The following CSMD1 variants were observed in gnomAD, a reference collection of about 807,000 sequenced individuals.
CSMD1 encodes CUB and sushi domain-containing protein 1.
CSMD1 carries 213 observed loss-of-function variants against 417.5 expected under a neutral mutation model. The observed-to-expected ratio is 0.51, with a 90% CI of 0.46 to 0.57. CSMD1 has a LOEUF of 0.57. Among genes scored for constraint, CSMD1 ranks in the 20% least tolerant of loss-of-function variants. The pLI is 0.00. For synonymous variants in CSMD1, 2,862 were observed against 1,736.8 expected, an observed-to-expected ratio of 1.65 and a Z score of -16.11; for missense variants, 6,923 against 4,529.7, an observed-to-expected ratio of 1.53 and a Z score of -15.17.
rs377092192 is a variant in CSMD1, at chr8:4,078,922, T to A, written c.416-46823A>T. 3.1e-4 allele frequency among the ~76,000 whole-genome samples: 8 copies of A among 25,802 alleles called. 1 individual carries two copies. The highest frequency in any genetic ancestry group is 6.0e-4 in the African/African-American group (8 of 13,346). The allele number at this position is 25,802 out of a possible 152,430, so 16.9% of individuals were successfully genotyped here. ...ATATATATATATATATATATATATATATATATATATATATATATATGTATG... is the reference window on the plus strand; with the variant it reads ...ATATATATATATATATATATATATAAATATATATATATATATATATGTATG... On this transcript the variant is annotated intron_variant, in intron 3 of 69. Coordinates refer to ENST00000635120, the MANE Select transcript of CSMD1 (RefSeq NM_033225.6).
At chr8:3,775,580 G>A (rs979310721) in intron 5 of CSMD1, among the ~76,000 whole-genome samples, 1 of 152,136 alleles carries the variant, frequency 6.6e-6, no homozygotes, top group Non-Finnish European at 1.5e-5. Context: ...CTCCAGTGTG[G>A]ACTCATGTGC....
rs192084409 is a variant in CSMD1, at chr8:3,254,235, G to C, written c.4154-24004C>G. 5.9e-5 allele frequency among the ~76,000 whole-genome samples: 9 copies of C among 152,290 alleles called. No homozygotes were observed. In the East Asian group the frequency reaches 7.7e-4, roughly 13 times the overall value. Reference sequence around the variant, plus strand: ...TCTTCTGGCTTGTAGAGTTTCTGTCGAGAGATCAGCTGTTAGTCTGATGGG... The same window carrying C: ...TCTTCTGGCTTGTAGAGTTTCTGTCCAGAGATCAGCTGTTAGTCTGATGGG... On this transcript the variant is annotated intron_variant, in intron 26 of 69. Transcript: ENST00000635120.
At chr8:4,407,531 G>A (rs746549853) in intron 3 of CSMD1, among the ~76,000 whole-genome samples, 1 of 152,122 alleles carries the variant, frequency 6.6e-6, no homozygotes, top group Non-Finnish European at 1.5e-5. Context: ...TAAATTCAGA[G>A]TACAGATATC....
intron 1 of CSMD1, among the ~76,000 whole-genome samples, chr8:4,641,533 A>G (rs1803188730): frequency 6.6e-6 from 1 of 152,142 alleles, no homozygotes. Flanking sequence ...GTAGCCACAC[A>G]TCATGATTTT....
chr8:3,835,107 T>G (rs1021471251), intron 5 of CSMD1, among the ~76,000 whole-genome samples: 3 of 148,760 alleles, frequency 2.0e-5, no homozygotes, highest in East Asian at 3.9e-4. Flanking sequence ...GGAACACTTT[T>G]ACACTGTTGG....
At position 4,113,344 on chromosome 8, in the gene CSMD1, C is replaced by A. The variant is rs900209663; in HGVS notation, c.416-81245G>T. On this transcript the variant is annotated intron_variant, in intron 3 of 69. Transcript: ENST00000635120. ...AACTAGGCCTGCTGCACCCAACAGC[C>A]AAGCTGTGAGTGCAAATAAAATGTT... Among the ~76,000 whole-genome samples the A allele has an allele frequency of 2.5e-4, 37 of 148,368 alleles. 1 individual carries two copies. Among genetic ancestry groups the A allele is most frequent in the African/African-American group, 8.5e-4 (34 of 40,018 alleles).
chr8:3,030,591 C>G (rs193272824), intron 50 of CSMD1, among the ~76,000 whole-genome samples: 2 of 152,090 alleles, frequency 1.3e-5, no homozygotes, highest in Non-Finnish European at 2.9e-5. Flanking sequence ...ATTCTCCTGC[C>G]TCAGCCTCCC....
At chr8:4,152,951 A>C (rs1022315397) in intron 3 of CSMD1, among the ~76,000 whole-genome samples, 1 of 152,206 alleles carries the variant, frequency 6.6e-6, no homozygotes, top group South Asian at 2.1e-4. Flanking sequence ...AAAATCTTAG[A>C]AATGGTATTT....
chr8:3,107,515 T>C (rs1356463465), intron 45 of CSMD1, among the ~76,000 whole-genome samples: 2 of 152,156 alleles, frequency 1.3e-5, no homozygotes, highest in African/African-American at 4.8e-5. Flanking sequence ...ATCATGGTAA[T>C]GAAGAGGGAC....
intron 44 of CSMD1, 119 bp from the exon 45 acceptor site, chr8:3,107,917 C>T: frequency 1.6e-6 from 1 of 629,554 alleles, no homozygotes; most frequent in Non-Finnish European, 2.7e-6. Context: ...ACTGAAATGT[C>T]TCTATTCCTG....
intron 3 of CSMD1, among the ~76,000 whole-genome samples, chr8:4,250,749 T>C (rs572019548): frequency 2.7e-4 from 41 of 152,280 alleles, no homozygotes; most frequent in Middle Eastern, 6.8e-3. Flanking sequence ...AAAGAAAAAC[T>C]GTAAATATGT....
At chr8:3,393,286 C>T (rs1811457926) in intron 17 of CSMD1, among the ~76,000 whole-genome samples, 1 of 152,170 alleles carries the variant, frequency 6.6e-6, no homozygotes, top group African/African-American at 2.4e-5. Flanking sequence ...TGTCTTCACT[C>T]ACTAGGTGAG....
rs552437199 is a variant in CSMD1, at chr8:4,495,604, T to C, written c.303-75539A>G. 3.1e-3 allele frequency among the ~76,000 whole-genome samples: 468 copies of C among 152,166 alleles called. 3 individuals carry two copies. Among genetic ancestry groups the C allele is most frequent in the African/African-American group, 7.4e-3 (306 of 41,538 alleles). On this transcript the variant is annotated intron_variant, in intron 2 of 69. Coordinates refer to ENST00000635120, the MANE Select transcript of CSMD1 (RefSeq NM_033225.6). ...AAAAAGAAAAAAAAGAATTGCTTTT[T>C]AGGGCACAAATATTAAAATGTATGC...
chr8:3,165,721 T>C (rs1469739012), intron 37 of CSMD1, among the ~76,000 whole-genome samples: 3 of 151,938 alleles, frequency 2.0e-5, no homozygotes, highest in Admixed American at 6.6e-5. Context: ...TGGTTTTTTG[T>C]TGGTAAAGGT....
intron 23 of CSMD1, among the ~76,000 whole-genome samples, chr8:3,316,677 T>C (rs886885663): frequency 2.6e-5 from 4 of 152,134 alleles, no homozygotes; most frequent in African/African-American, 9.7e-5. Context: ...TGCTTCCTTT[T>C]AAACGTGTGG....
At chr8:4,147,267 C>T (rs1175769235) in intron 3 of CSMD1, among the ~76,000 whole-genome samples, 1 of 152,122 alleles carries the variant, frequency 6.6e-6, no homozygotes, top group Admixed American at 6.5e-5. Flanking sequence ...GCGGCTCCTC[C>T]TCACCTGCGT....
intron 22 of CSMD1, among the ~76,000 whole-genome samples, chr8:3,346,447 T>C (rs1007150503): frequency 3.3e-5 from 5 of 152,354 alleles, no homozygotes; most frequent in African/African-American, 9.6e-5. Flanking sequence ...TCTTTTTAGA[T>C]TAGTAAGAAT....
At chr8:3,700,870 C>G (rs1164079223) in intron 7 of CSMD1, among the ~76,000 whole-genome samples, 1 of 152,046 alleles carries the variant, frequency 6.6e-6, no homozygotes, top group Non-Finnish European at 1.5e-5. Context: ...GTTTGAGGGT[C>G]TGGAGAAGAG....
intron 11 of CSMD1, among the ~76,000 whole-genome samples, chr8:3,476,986 G>C (rs1369474714): frequency 6.6e-6 from 1 of 151,840 alleles, no homozygotes; most frequent in Non-Finnish European, 1.5e-5. Context: ...TCAACACAAA[G>C]GGATACTACA....
Sources: allele counts gnomAD v4.1 joint callset (sites outside exome capture counted in the v4.1 genomes callset), GRCh38; gene constraint gnomAD v4.1.1; transcripts MANE v1.5; gene names NCBI Gene and HGNC (gene_info 2026-07-23, HGNC 2026-07-21).